Variants in TENT5A observed in about 807,000 individuals in gnomAD.
TENT5A encodes the protein HBV X-transactivated gene 11 protein.
Under a neutral mutation model 30.2 loss-of-function variants are expected in TENT5A, and 9 were observed. The observed-to-expected ratio is 0.30, with a 90% confidence interval of 0.18 to 0.52. The LOEUF (loss-of-function observed/expected upper bound fraction) is 0.52, where lower values mean the gene tolerates loss of function less well. Among genes scored for constraint, TENT5A ranks in the 20% least tolerant of loss-of-function variants. The pLI is 0.97. For missense variants in TENT5A, 411 were observed against 566.1 expected, an observed-to-expected ratio of 0.73 and a Z score of 2.78; for synonymous variants, 264 against 234.2, an observed-to-expected ratio of 1.13 and a Z score of -1.16.
chr6:81,748,927 C>T lies in TENT5A; in HGVS notation c.*768G>A, dbSNP rs777427652. 1.0e-4 allele frequency: 99 copies of T among 984,396 alleles called. No homozygotes were observed. In the Middle Eastern group the frequency reaches 3.1e-3, roughly 31 times the overall value. The allele number at this position is 984,396 out of a possible 1,614,324, so 61.0% of individuals were successfully genotyped here. A position where few individuals can be genotyped will look rare whatever the true frequency, so the allele number is the denominator to read the frequency against. ...ATATAATCTCTCTTCATATAGTCTACTATATCTCTTCTAATTGGGTATTTT... is the reference window on the plus strand; with the variant it reads ...ATATAATCTCTCTTCATATAGTCTATTATATCTCTTCTAATTGGGTATTTT... On this transcript the variant is annotated 3_prime_UTR_variant, in exon 3 of 3. Coordinates refer to ENST00000320172, the MANE Select transcript of TENT5A (RefSeq NM_017633.3).
At position 81,749,477 on chromosome 6, in the gene TENT5A, A is replaced by G; in HGVS notation, c.*218T>C. The stretch of plus-strand genomic sequence containing the variant: ...TTTGCAGGATAGAATCCAATTGGGT[A>G]GGAGAATAAGAGAAGGGAAAAGGAT... On this transcript the variant is annotated 3_prime_UTR_variant, in exon 3 of 3. Transcript: ENST00000320172. 1.5e-6 allele frequency: 2 copies of G among 1,305,716 alleles called. No homozygotes were observed. Among genetic ancestry groups the G allele is most frequent in the Non-Finnish European group, 1.9e-6 (2 of 1,029,812 alleles). The allele number at this position is 1,305,716 out of a possible 1,614,324, so 80.9% of individuals were successfully genotyped here.
rs560158633 is a variant in TENT5A, at chr6:81,748,736, T to C, written c.*959A>G. 281 of 985,554 alleles carry C rather than the reference T, an allele frequency of 2.9e-4. 1 individual carries two copies. The African/African-American group carries it at 4.4e-3, about 15-fold the overall frequency. 61.1% of individuals were successfully genotyped at this position (985,554 alleles called of 1,614,324 possible). On this transcript the variant is annotated 3_prime_UTR_variant, in exon 3 of 3. Coordinates refer to ENST00000320172, the MANE Select transcript of TENT5A (RefSeq NM_017633.3). ...ACAAATGTTAACTTTATACAAGTAT[T>C]TGCAAGAAAAAATAGGGCATTTTCT... is the stretch of plus-strand genomic sequence containing the variant.
At position 81,749,496 on chromosome 6, in the gene TENT5A, A is replaced by C; in HGVS notation, c.*199T>G. 6 of 1,329,022 alleles carry C rather than the reference A, an allele frequency of 4.5e-6. No individual in the cohort carries two copies. The highest frequency in any genetic ancestry group is 5.7e-5 in the East Asian group (2 of 35,134). The allele number at this position is 1,329,022 out of a possible 1,614,324, so 82.3% of individuals were successfully genotyped here. On this transcript the variant is annotated 3_prime_UTR_variant, in exon 3 of 3. Transcript: ENST00000320172. ...TTGGGTAGGAGAATAAGAGAAGGGA[A>C]AAGGATCCTTTCGAGATCATGCTCC...
In TENT5A at chr6:81,750,311, T is replaced by C; in HGVS notation, c.713A>G (p.Asp238Gly). Residue 238 changes from aspartate (D) to glycine (G), a missense_variant, in exon 3 of 3, where the codon GAC becomes GGC. Coordinates refer to ENST00000320172, the MANE Select transcript of TENT5A (RefSeq NM_017633.3). The surrounding 1 kb of genome is among the most constrained non-coding windows in gnomAD (Gnocchi z 4.2). ...FSVDSFQIKL[D>G]SLLLFYECSE... ...ACATTCATAAAAGAGCAGAAGAGAG[T>C]CTAATTTGATTTGAAAAGAATCTAC... The C allele has an allele frequency of 6.2e-7, 1 of 1,611,488 alleles. No individual in the cohort carries two copies. The highest frequency in any genetic ancestry group is 8.5e-7 in the Non-Finnish European group (1 of 1,179,208).
Position 81,746,622 on chromosome 6 carries a change from T to C in TENT5A, c.*3073A>G, listed in dbSNP as rs1231284486. The C allele has an allele frequency of 8.1e-7, 1 of 1,231,808 alleles. No homozygotes were observed. Among genetic ancestry groups the C allele is most frequent in the African/African-American group, 1.6e-5 (1 of 64,400 alleles). The allele number at this position is 1,231,808 out of a possible 1,614,324, so 76.3% of individuals were successfully genotyped here. ...AAACGGCATTGTCACAGGCTATGTG[T>C]TCTCTGACATGCCAGGCTGGACAGG... On this transcript the variant is annotated 3_prime_UTR_variant, in exon 3 of 3. Coordinates refer to ENST00000320172, the MANE Select transcript of TENT5A (RefSeq NM_017633.3).
chr6:81,752,532 A>C lies in TENT5A; in HGVS notation c.-139T>G, dbSNP rs1368422484. ...GAGCGCGCTCAGACAGCAAATAGCGACTTCGTCTTTCCCAGACCCCTGCCG... is the reference window on the plus strand; with the variant it reads ...GAGCGCGCTCAGACAGCAAATAGCGCCTTCGTCTTTCCCAGACCCCTGCCG... On this transcript the variant is annotated 5_prime_UTR_variant, in exon 1 of 3. Transcript: ENST00000320172. 2 of 1,258,774 alleles carry C rather than the reference A, an allele frequency of 1.6e-6. No individual in the cohort carries two copies. Among genetic ancestry groups the C allele is most frequent in the East Asian group, 5.1e-5 (2 of 39,532 alleles). The allele number at this position is 1,258,774 out of a possible 1,614,324, so 78.0% of individuals were successfully genotyped here.
Position 81,749,998 on chromosome 6 carries a change from G to A in TENT5A, c.1026C>T (p.Asn342=). ...TGCGGTCTTCCAATCCCACAAAGTG[G>A]TTCTGCAAATAGGACTCCAGTTTTC... ...QQRKLESYLQ[N]HFVGLEDRKY... is the part of the protein sequence containing the mutation. Residue 342 remains asparagine (N), a synonymous_variant, in exon 3 of 3, where the codon AAC becomes AAT. Coordinates refer to ENST00000320172, the MANE Select transcript of TENT5A (RefSeq NM_017633.3). 1 of 1,614,172 alleles carries A rather than the reference G, an allele frequency of 6.2e-7. No individual in the cohort carries two copies. Among genetic ancestry groups the A allele is most frequent in the South Asian group, 1.1e-5 (1 of 91,076 alleles).
At position 81,746,621 on chromosome 6, in the gene TENT5A, G is replaced by A. The variant is rs1768892308; in HGVS notation, c.*3074C>T. 1 of 1,231,856 alleles carries A rather than the reference G, an allele frequency of 8.1e-7. No homozygotes were observed. The highest frequency in any genetic ancestry group is 4.1e-5 in the South Asian group (1 of 24,326). 76.3% of individuals were successfully genotyped at this position (1,231,856 alleles called of 1,614,324 possible). On this transcript the variant is annotated 3_prime_UTR_variant, in exon 3 of 3. Transcript: ENST00000320172. ...AAAACGGCATTGTCACAGGCTATGT[G>A]TTCTCTGACATGCCAGGCTGGACAG...
chr6:81,748,336 C>T lies in TENT5A; in HGVS notation c.*1359G>A. ...TGGCAGTTCAATATAAAAAAGAGTG[C>T]TCTGCCAAACAAATATTCTCCCATT... On this transcript the variant is annotated 3_prime_UTR_variant, in exon 3 of 3. Coordinates refer to ENST00000320172, the MANE Select transcript of TENT5A (RefSeq NM_017633.3). 1 of 981,048 alleles carries T rather than the reference C, an allele frequency of 1.0e-6. No homozygotes were observed. The highest frequency in any genetic ancestry group is 4.7e-5 in the South Asian group (1 of 21,186). 60.8% of individuals were successfully genotyped at this position (981,048 alleles called of 1,614,324 possible).
Position 81,746,161 on chromosome 6 carries a change from G to A in TENT5A, c.*3534C>T. 2 of 1,002,652 alleles carry A rather than the reference G, an allele frequency of 2.0e-6. No homozygotes were observed. Among genetic ancestry groups the A allele is most frequent in the South Asian group, 4.7e-5 (1 of 21,382 alleles). 62.1% of individuals were successfully genotyped at this position (1,002,652 alleles called of 1,614,324 possible). A position where few individuals can be genotyped will look rare whatever the true frequency, so the allele number is the denominator to read the frequency against. ...TATGCTAAAAGAAATTTTAAAGAAA[G>A]ATTATATTCAAATAGATGCTATATA... On this transcript the variant is annotated 3_prime_UTR_variant, in exon 3 of 3. Transcript: ENST00000320172.
chr6:81,752,392 G>A (rs1363796131), intron 1 of TENT5A, 39 bp downstream of exon 1: 1 of 1,549,408 alleles, frequency 6.5e-7, no homozygotes, highest in African/African-American at 1.4e-5. Flanking sequence ...TATCTCTGAT[G>A]CATCTGGAAA....
At position 81,749,559 on chromosome 6, in the gene TENT5A, A is replaced by AAAACCAGGAGCATATCATCAT; in HGVS notation, c.*115_*135dup. 3.5e-6 allele frequency: 5 copies of AAAACCAGGAGCATATCATCAT among 1,413,214 alleles called. No homozygotes were observed. The highest frequency in any genetic ancestry group is 4.6e-6 in the Non-Finnish European group (5 of 1,086,938). 87.5% of individuals were successfully genotyped at this position (1,413,214 alleles called of 1,614,324 possible). A position where few individuals can be genotyped will look rare whatever the true frequency, so the allele number is the denominator to read the frequency against. ...AAGATACATAAGCTTTGCCAAACTT[A>AAAACCAGGAGCATATCATCAT]AAACCAGGAGCATATCATCATTGCA... On this transcript the variant is annotated 3_prime_UTR_variant, in exon 3 of 3. Coordinates refer to ENST00000320172, the MANE Select transcript of TENT5A (RefSeq NM_017633.3).
Position 81,746,799 on chromosome 6 carries a change from AG to A in TENT5A, c.*2895del, listed in dbSNP as rs1348995113. 9 of 1,200,720 alleles carry A rather than the reference AG, an allele frequency of 7.5e-6. No individual in the cohort carries two copies. In the East Asian group the frequency reaches 3.1e-4, roughly 41 times the overall value. The allele number at this position is 1,200,720 out of a possible 1,614,324, so 74.4% of individuals were successfully genotyped here. A position where few individuals can be genotyped will look rare whatever the true frequency, so the allele number is the denominator to read the frequency against. ...CCTATACACATGGCTCTCTCTCACC[AG>A]ACATTCAAATTTTTAGGCCGCACAT... On this transcript the variant is annotated 3_prime_UTR_variant, in exon 3 of 3. Coordinates refer to ENST00000320172, the MANE Select transcript of TENT5A (RefSeq NM_017633.3).
rs1769063445 is a variant in TENT5A at position 81,752,291 on chromosome 6, C to T, written c.-37-113G>A. 9 of 1,518,972 alleles carry T rather than the reference C, an allele frequency of 5.9e-6. No individual in the cohort carries two copies. In the Admixed American group the frequency reaches 2.0e-4, roughly 34 times the overall value. 94.1% of individuals were successfully genotyped at this position (1,518,972 alleles called of 1,614,324 possible). A position where few individuals can be genotyped will look rare whatever the true frequency, so the allele number is the denominator to read the frequency against. On this transcript the variant is annotated intron_variant, in intron 1 of 2. Transcript: ENST00000320172. ...GAGCGCCCCCTCCCCCGATAGTTCC[C>T]TGACCCCGGGCCTCCTCGGAGACTC... is the stretch of plus-strand genomic sequence containing the variant.
chr6:81,750,064 G>T lies in TENT5A; in HGVS notation c.960C>A (p.Ser320=), dbSNP rs1428811552. Residue 320 remains serine, a synonymous_variant, in exon 3 of 3, where the codon TCC becomes TCA. Transcript: ENST00000320172. This position sits in a 1 kb window ranked among gnomAD's most constrained non-coding sequence, Gnocchi z 4.2. ...EIKTLQRYMC[S]RFFIDFSDIG... is the part of the protein sequence containing the mutation. ...TGTCTGAGAAGTCGATGAAAAACCT[G>T]GAACACATATACCTTTGAAGGGTCT... is the stretch of plus-strand genomic sequence containing the variant. 6 of 1,614,066 alleles carry T rather than the reference G, an allele frequency of 3.7e-6. No homozygotes were observed. The highest frequency in any genetic ancestry group is 5.1e-6 in the Non-Finnish European group (6 of 1,180,030).
chr6:81,747,188 AAGC>A lies in TENT5A; in HGVS notation c.*2504_*2506del. ...TCATTTGTCAAGAGTTAGGGTAAGA[AAGC>A]AGATCACCAGCTGCTCCTGTGTTCA... On this transcript the variant is annotated 3_prime_UTR_variant, in exon 3 of 3. Coordinates refer to ENST00000320172, the MANE Select transcript of TENT5A (RefSeq NM_017633.3). 1.0e-6 allele frequency: 1 copy of A among 985,434 alleles called. No individual in the cohort carries two copies. The highest frequency in any genetic ancestry group is 1.2e-6 in the Non-Finnish European group (1 of 829,910). The allele number at this position is 985,434 out of a possible 1,614,324, so 61.0% of individuals were successfully genotyped here.
In TENT5A at chr6:81,747,389, G is replaced by T. The variant is rs1768908317; in HGVS notation, c.*2306C>A. 24 of 985,872 alleles carry T rather than the reference G, an allele frequency of 2.4e-5. No homozygotes were observed. The highest frequency in any genetic ancestry group is 2.9e-5 in the Non-Finnish European group (24 of 829,944). The allele number at this position is 985,872 out of a possible 1,614,324, so 61.1% of individuals were successfully genotyped here. A position where few individuals can be genotyped will look rare whatever the true frequency, so the allele number is the denominator to read the frequency against. Reference sequence around the variant, plus strand: ...AAGTGAGGGAGACTGAGCCAAGATGGTAGTAGGAGGAGTTCCTTAGAAAAC... The same window carrying T: ...AAGTGAGGGAGACTGAGCCAAGATGTTAGTAGGAGGAGTTCCTTAGAAAAC... On this transcript the variant is annotated 3_prime_UTR_variant, in exon 3 of 3. Transcript: ENST00000320172.
Position 81,746,271 on chromosome 6 carries a change from GC to G in TENT5A, c.*3423del. 1 of 1,186,970 alleles carries G rather than the reference GC, an allele frequency of 8.4e-7. No individual in the cohort carries two copies. Among genetic ancestry groups the G allele is most frequent in the Non-Finnish European group, 1.0e-6 (1 of 960,314 alleles). The allele number at this position is 1,186,970 out of a possible 1,614,324, so 73.5% of individuals were successfully genotyped here. ...AAAAAAGCTTATTTTTGAACTGACA[GC>G]TTTCAACATAATACATTTCATTTAC... On this transcript the variant is annotated 3_prime_UTR_variant, in exon 3 of 3. Coordinates refer to ENST00000320172, the MANE Select transcript of TENT5A (RefSeq NM_017633.3).
rs929991484 is a variant in TENT5A at position 81,750,904 on chromosome 6, T to C, written c.553-433A>G. Among the ~76,000 whole-genome samples, 1 of 152,244 alleles carries C rather than the reference T, an allele frequency of 6.6e-6. No individual in the cohort carries two copies. Among genetic ancestry groups the C allele is most frequent in the Non-Finnish European group, 1.5e-5 (1 of 68,044 alleles). On this transcript the variant is annotated intron_variant, in intron 2 of 2. Coordinates refer to ENST00000320172, the MANE Select transcript of TENT5A (RefSeq NM_017633.3). This position sits in a 1 kb window ranked among gnomAD's most constrained non-coding sequence, Gnocchi z 4.2. ...CCCAATTCCTCTCCGCCTGCGGCAA[T>C]CAATGTTATCAGTATCTTGTGTGTC...
Sources: allele counts gnomAD v4.1 joint callset (sites outside exome capture counted in the v4.1 genomes callset), GRCh38; gene constraint gnomAD v4.1.1; non-coding constraint Gnocchi (gnomAD v3.1); transcripts MANE v1.5; gene names NCBI Gene and HGNC (gene_info 2026-07-23, HGNC 2026-07-21).